ELAVL2: variants seen among roughly 807,000 people sequenced by gnomAD.
The protein encoded by ELAVL2 is ELAV-like protein 2.
ELAVL2 carries 4 observed loss-of-function variants against 34.6 expected under a neutral mutation model. That is an observed-to-expected ratio of 0.12 (90% CI 0.06 to 0.26). The LOEUF is 0.26. ELAVL2 is among the 10% of genes least tolerant of loss of function. The pLI is 1.00. For missense variants in ELAVL2, 432 were observed against 442.8 expected (o/e 0.98, Z 0.22); for synonymous variants, 193 against 154.8 (o/e 1.25, Z -1.83).
chr9:23,696,561 C>T (rs564594639), intron 5 of ELAVL2, among the ~76,000 whole-genome samples: 6 of 152,308 alleles, frequency 3.9e-5, no homozygotes, highest in South Asian at 4.1e-4. Flanking sequence ...CTCTGCCTCC[C>T]GGGTTCACAC....
chr9:23,811,928 A>T (rs557876046), intron 1 of ELAVL2, among the ~76,000 whole-genome samples: 1 of 152,246 alleles, frequency 6.6e-6, no homozygotes, highest in African/African-American at 2.4e-5. Flanking sequence ...TATGGGAGGA[A>T]CGGGGGAGGG....
intron 1 of ELAVL2, among the ~76,000 whole-genome samples, chr9:23,782,716 CT>C (rs2059226095): frequency 6.6e-6 from 1 of 152,232 alleles, no homozygotes; most frequent in Non-Finnish European, 1.5e-5. Context: ...AAGAAAACCA[CT>C]TTATATGCTC....
At chr9:23,705,421 C>G (rs1449147007) in intron 3 of ELAVL2, among the ~76,000 whole-genome samples, 1 of 152,204 alleles carries the variant, frequency 6.6e-6, no homozygotes, top group African/African-American at 2.4e-5. Context: ...CAACAACTGC[C>G]TGCTCATTTT....
intron 2 of ELAVL2, among the ~76,000 whole-genome samples, chr9:23,736,097 T>C (rs2134872193): frequency 6.6e-6 from 1 of 152,308 alleles, no homozygotes; most frequent in Admixed American, 6.5e-5. Flanking sequence ...CAAAGGTCAC[T>C]TTATTTAGTC....
chr9:23,719,935 C>T lies in ELAVL2; in HGVS notation c.333+11087G>A, dbSNP rs530487237. On this transcript the variant is annotated intron_variant, in intron 3 of 6. Coordinates refer to ENST00000397312, the MANE Select transcript of ELAVL2 (RefSeq NM_004432.5). ...CCGCCTCCCGGGTTCAAGGGATTCTCCTGCCTCAGCCTCCCCAGTAGCTGG... is the reference window on the plus strand; with the variant it reads ...CCGCCTCCCGGGTTCAAGGGATTCTTCTGCCTCAGCCTCCCCAGTAGCTGG... Among the ~76,000 whole-genome samples, 8 of 150,450 alleles carry T rather than the reference C, an allele frequency of 5.3e-5. No homozygotes were observed. The South Asian group carries it at 1.7e-3, about 32-fold the overall frequency.
At chr9:23,714,306 T>C (rs1028937880) in intron 3 of ELAVL2, among the ~76,000 whole-genome samples, 4 of 152,192 alleles carry the variant, frequency 2.6e-5, no homozygotes, top group Non-Finnish European at 4.4e-5. Context: ...AAGAACAATG[T>C]ATGCACTCTA....
At chr9:23,711,215 G>A (rs1049636588) in intron 3 of ELAVL2, among the ~76,000 whole-genome samples, 3 of 152,122 alleles carry the variant, frequency 2.0e-5, no homozygotes, top group Non-Finnish European at 4.4e-5. Context: ...AAAGGTTAGG[G>A]CAGTTATCTT....
At chr9:23,735,659 CTTT>C (rs936979765) in intron 2 of ELAVL2, 7 of 152,174 alleles carry the variant, frequency 4.6e-5, no homozygotes, top group Non-Finnish European at 8.8e-5. Flanking sequence ...GTATGAATGC[CTTT>C]TGTTTCACAC....
chr9:23,803,616 A>G (rs1216456321), intron 1 of ELAVL2, among the ~76,000 whole-genome samples: 8 of 152,128 alleles, frequency 5.3e-5, no homozygotes, highest in Admixed American at 3.3e-4. Context: ...CTCAAACAAA[A>G]TAAGAGAAAT....
chr9:23,755,006 C>T (rs1309953050), intron 2 of ELAVL2, among the ~76,000 whole-genome samples: 2 of 152,082 alleles, frequency 1.3e-5, no homozygotes, highest in African/African-American at 2.4e-5. Flanking sequence ...TCATTACTTA[C>T]CCCTACATAT....
intron 2 of ELAVL2, among the ~76,000 whole-genome samples, chr9:23,744,196 T>C (rs563275868): frequency 6.6e-6 from 1 of 152,306 alleles, no homozygotes; most frequent in South Asian, 2.1e-4. Flanking sequence ...CCTATTATTC[T>C]ACCGTCTCCA....
chr9:23,773,932 C>T (rs113804153), intron 1 of ELAVL2, among the ~76,000 whole-genome samples: 173 of 152,066 alleles, frequency 1.1e-3, no homozygotes, highest in African/African-American at 4.0e-3. Context: ...CTTATCTGGG[C>T]CTGGCGCAGT....
chr9:23,749,756 T>C lies in ELAVL2; in HGVS notation c.229+12250A>G, dbSNP rs566770105. The stretch of plus-strand genomic sequence containing the variant: ...TTAAAAAAGAAGAGAGAAGTGGGAC[T>C]TTACCAAGCTTTCAGAAAAGGCTTC... On this transcript the variant is annotated intron_variant, in intron 2 of 6. Transcript: ENST00000397312. Among the ~76,000 whole-genome samples the C allele has an allele frequency of 1.4e-3, 208 of 152,232 alleles. 1 individual carries two copies. Among genetic ancestry groups the C allele is most frequent in the Non-Finnish European group, 2.3e-3 (158 of 67,998 alleles).
intron 1 of ELAVL2, among the ~76,000 whole-genome samples, chr9:23,814,377 T>C (rs2063424581): frequency 6.6e-6 from 1 of 152,150 alleles, no homozygotes; most frequent in African/African-American, 2.4e-5. Flanking sequence ...GACCTGGAAC[T>C]AAGCACAAGG....
intron 1 of ELAVL2, among the ~76,000 whole-genome samples, chr9:23,772,977 G>C (rs889240072): frequency 1.8e-4 from 27 of 151,972 alleles, no homozygotes; most frequent in Non-Finnish European, 2.8e-4. Context: ...TTTAAAAACC[G>C]ACATCCCAGC....
chr9:23,741,448 G>C (rs1008729404), intron 2 of ELAVL2, among the ~76,000 whole-genome samples: 7 of 152,136 alleles, frequency 4.6e-5, no homozygotes, highest in African/African-American at 1.4e-4. Context: ...ATGTAAGACT[G>C]TAACTAGGGA....
Position 23,733,703 on chromosome 9 carries a change from T to C in ELAVL2, c.230-2578A>G, listed in dbSNP as rs1200668686. Among the ~76,000 whole-genome samples the C allele has an allele frequency of 3.9e-5, 6 of 152,338 alleles. No individual in the cohort carries two copies. In the East Asian group the frequency reaches 1.2e-3, roughly 29 times the overall value. On this transcript the variant is annotated intron_variant, in intron 2 of 6. Coordinates refer to ENST00000397312, the MANE Select transcript of ELAVL2 (RefSeq NM_004432.5). ...TGAAAAGCCTGTCTTGCTTACTTCC[T>C]ACTTAGCTGTTTCCCACTCTAGCCT...
At chr9:23,700,818 A>G (rs2036933600) in intron 5 of ELAVL2, among the ~76,000 whole-genome samples, 1 of 152,154 alleles carries the variant, frequency 6.6e-6, no homozygotes, top group Non-Finnish European at 1.5e-5. Flanking sequence ...TGCACATACT[A>G]TAAAGTGAAG....
At chr9:23,754,090 C>G (rs2052887706) in intron 2 of ELAVL2, among the ~76,000 whole-genome samples, 2 of 152,146 alleles carry the variant, frequency 1.3e-5, no homozygotes, top group Admixed American at 6.5e-5. Context: ...AGTAAACACT[C>G]TAAGACAGCT....
Sources: allele counts gnomAD v4.1 joint callset (sites outside exome capture counted in the v4.1 genomes callset), GRCh38; gene constraint gnomAD v4.1.1; transcripts MANE v1.5; gene names NCBI Gene and HGNC (gene_info 2026-07-23, HGNC 2026-07-21).